WSB2: variants seen among roughly 807,000 people sequenced by gnomAD.
WSB2 encodes WD repeat and SOCS box-containing protein 2.
In WSB2, 12 loss-of-function variants were observed where a neutral mutation model predicts 48.8. The observed-to-expected ratio is 0.25, with a 90% confidence interval of 0.16 to 0.40. The LOEUF is 0.40. WSB2 is among the 10% of genes least tolerant of loss of function. The pLI is 1.00. For synonymous variants in WSB2, 191 were observed against 203.1 expected (o/e 0.94, Z 0.51); for missense variants, 317 against 506.2 (o/e 0.63, Z 3.59).
At position 118,042,837 on chromosome 12, in the gene WSB2, A is replaced by T; in HGVS notation, c.559+4T>A. ...TTGCCGAGTAGTTCCTTCACTTCCC[A>T]TACCGTGTTTATTCAGGTCCCAGAT... is the stretch of plus-strand genomic sequence containing the variant. On this transcript the variant is annotated splice_donor_region_variant and intron_variant, in intron 4 of 8. Transcript: ENST00000315436. The T allele has an allele frequency of 6.2e-7, 1 of 1,613,930 alleles. No homozygotes were observed. The highest frequency in any genetic ancestry group is 8.5e-7 in the Non-Finnish European group (1 of 1,179,924).
chr12:118,058,975 C>T (rs1450462813), intron 1 of WSB2, among the ~76,000 whole-genome samples: 7 of 152,134 alleles, frequency 4.6e-5, no homozygotes, highest in African/African-American at 1.2e-4. Flanking sequence ...AGATTACAGA[C>T]GTGAGCCACC....
chr12:118,038,465 G>T, intron 4 of WSB2, 77 bp from the exon 5 acceptor site: 4 of 1,388,664 alleles, frequency 2.9e-6, no homozygotes, highest in Non-Finnish European at 4.0e-6. Context: ...AACTGGGGTG[G>T]TAACAGCCCC....
intron 8 of WSB2, chr12:118,034,616 A>G: frequency 2.2e-6 from 1 of 448,034 alleles, no homozygotes; most frequent in African/African-American, 2.0e-5. Context: ...TCTAAATCTG[A>G]CCACAGTTAG....
chr12:118,038,221 A>T, intron 5 of WSB2, 67 bp downstream of exon 5: 2 of 1,472,576 alleles, frequency 1.4e-6, no homozygotes. Flanking sequence ...GAACACTCAC[A>T]CACACCAGGC....
At position 118,060,974 on chromosome 12, in the gene WSB2, T is replaced by G. The variant is rs979013359; in HGVS notation, c.13+62A>C. The G allele has an allele frequency of 3.4e-5, 12 of 354,512 alleles. No individual in the cohort carries two copies. The highest frequency in any genetic ancestry group is 1.5e-4 in the Admixed American group (2 of 13,344). The allele number at this position is 354,512 out of a possible 1,614,324, so 22.0% of individuals were successfully genotyped here. A position where few individuals can be genotyped will look rare whatever the true frequency, so the allele number is the denominator to read the frequency against. ...GCCCGCCCCGGGGTCGCCTCCCCCCTCCCCGGGGAGAACGGGCCAGGGCCC... is the reference window on the plus strand; with the variant it reads ...GCCCGCCCCGGGGTCGCCTCCCCCCGCCCCGGGGAGAACGGGCCAGGGCCC... On this transcript the variant is annotated intron_variant, in intron 1 of 8. Transcript: ENST00000315436. This position sits in a 1 kb window ranked among gnomAD's most constrained non-coding sequence, Gnocchi z 4.1.
At chr12:118,054,617 C>A (rs536625647) in intron 1 of WSB2, among the ~76,000 whole-genome samples, 2 of 151,886 alleles carry the variant, frequency 1.3e-5, no homozygotes, top group Non-Finnish European at 2.9e-5. Context: ...GCAGAGGTTG[C>A]GGTGAGCTGA....
rs186436240 is a variant in WSB2, at chr12:118,048,218, C to T, written c.182+4092G>A. ...TGCTGGGATTACAGGCGTGAGCCAC[C>T]GCACCCGGCCATATAGCCTGTTTTT... is the stretch of plus-strand genomic sequence containing the variant. On this transcript the variant is annotated intron_variant, in intron 2 of 8. Transcript: ENST00000315436. 2.9e-3 allele frequency among the ~76,000 whole-genome samples: 438 copies of T among 152,126 alleles called. 1 individual carries two copies. Among genetic ancestry groups the T allele is most frequent in the African/African-American group, 9.9e-3 (413 of 41,524 alleles).
chr12:118,041,748 C>CTTTT (rs150072011), intron 4 of WSB2, among the ~76,000 whole-genome samples: 14 of 101,534 alleles, frequency 1.4e-4, no homozygotes, highest in East Asian at 8.4e-4. Flanking sequence ...TCTTATGTCA[C>CTTTT]TTTTTTTTTT....
At chr12:118,042,079 G>A (rs943887402) in intron 4 of WSB2, among the ~76,000 whole-genome samples, 1 of 152,054 alleles carries the variant, frequency 6.6e-6, no homozygotes, top group Non-Finnish European at 1.5e-5. Context: ...TTCTAGTTAA[G>A]GATCAATCCA....
intron 6 of WSB2, 91 bp downstream of exon 6, chr12:118,036,247 G>C (rs2031506781): frequency 1.4e-6 from 2 of 1,431,244 alleles, no homozygotes; most frequent in African/African-American, 1.4e-5. Context: ...CCCCTCCCAT[G>C]TCCCAGATTC....
intron 1 of WSB2, among the ~76,000 whole-genome samples, chr12:118,053,075 G>A (rs1359467644): frequency 6.6e-6 from 1 of 152,056 alleles, no homozygotes; most frequent in East Asian, 1.9e-4. Flanking sequence ...TTTTGCTACA[G>A]TCTCCTGATC....
chr12:118,062,080 A>C (rs1203983643), upstream of WSB2: 3 of 1,534,406 alleles, frequency 2.0e-6, no homozygotes, highest in African/African-American at 4.1e-5. Flanking sequence ...ATTCGGAAGA[A>C]GACTGTCCCC....
chr12:118,047,810 T>G (rs1473440924), intron 2 of WSB2, among the ~76,000 whole-genome samples: 1 of 152,156 alleles, frequency 6.6e-6, no homozygotes, highest in Non-Finnish European at 1.5e-5. Flanking sequence ...AAAGTAAAAA[T>G]TACCTATAAT....
Position 118,042,981 on chromosome 12 carries a change from G to A in WSB2, c.428-9C>T, listed in dbSNP as rs757275778. The A allele has an allele frequency of 6.8e-6, 11 of 1,614,110 alleles. No homozygotes were observed. The highest frequency in any genetic ancestry group is 8.5e-6 in the Non-Finnish European group (10 of 1,179,998). ...ATTCAAAAGCAGGAGCCCTGGCATG[G>A]GAGCAGGGGCACTGAGTCAGCCAGA... On this transcript the variant is annotated splice_polypyrimidine_tract_variant and intron_variant, in intron 3 of 8. Coordinates refer to ENST00000315436, the MANE Select transcript of WSB2 (RefSeq NM_018639.5).
At chr12:118,046,110 C>T (rs564812675) in intron 2 of WSB2, among the ~76,000 whole-genome samples, 36 of 152,278 alleles carry the variant, frequency 2.4e-4, no homozygotes, top group Admixed American at 1.6e-3. Flanking sequence ...CACACTGTGA[C>T]AGCGGAGTTC....
rs775359005 is a variant in WSB2, at chr12:118,036,358, G to C, written c.813C>G (p.Gly271=). 2 of 1,614,056 alleles carry C rather than the reference G, an allele frequency of 1.2e-6. No homozygotes were observed. Among genetic ancestry groups the C allele is most frequent in the East Asian group, 4.5e-5 (2 of 44,874 alleles). ...TNVIMWDPYT[G]ERLRSLHHTQ... is the part of the protein sequence containing the mutation. ...CTTACTGGAGTGACCTCAGCCTTTC[G>C]CCGGTGTAGGGGTCCCACATAATCA... The change falls in exon 6 of 9, where the codon GGC becomes GGG. Residue 271 remains glycine, a synonymous_variant. Transcript: ENST00000315436.
chr12:118,034,963 C>G (rs779163340), intron 8 of WSB2, 23 bp downstream of exon 8: 10 of 1,605,292 alleles, frequency 6.2e-6, no homozygotes, highest in South Asian at 4.4e-5. Context: ...CACCACCCAT[C>G]TGTTCAGCTA....
intron 1 of WSB2, among the ~76,000 whole-genome samples, chr12:118,059,955 G>A (rs1214833812): frequency 6.6e-6 from 1 of 152,190 alleles, no homozygotes; most frequent in Non-Finnish European, 1.5e-5. Context: ...CAAGCCATCA[G>A]CAATCAGAAC....
chr12:118,043,449 G>A (rs2031683072), intron 2 of WSB2, 72 bp from the exon 3 acceptor site: 10 of 1,506,026 alleles, frequency 6.6e-6, no homozygotes, highest in African/African-American at 2.8e-5. Flanking sequence ...CCTGGGACAC[G>A]TAAGACTTTT....
Sources: gnomAD v4.1 joint callset for allele counts (sites outside exome capture counted in the v4.1 genomes callset) on GRCh38, gnomAD v4.1.1 for gene constraint, Gnocchi (gnomAD v3.1) non-coding constraint, MANE v1.5 for transcripts, NCBI Gene and HGNC (gene_info 2026-07-23, HGNC 2026-07-21) for gene names.